SYNE1: variants seen among roughly 807,000 people sequenced by gnomAD.
SYNE1 encodes spectrin repeat containing nuclear envelope protein 1, also known as nesprin-1.
A neutral mutation model predicts 1,111.0 loss-of-function variants in SYNE1; 616 were observed. The observed-to-expected ratio is 0.55, with a 90% confidence interval of 0.52 to 0.59. SYNE1 has a LOEUF of 0.59. Among genes scored for constraint, SYNE1 ranks in the 20% least tolerant of loss-of-function variants. The pLI is 0.00. For missense variants in SYNE1, 10,006 were observed against 10,417.0 expected (o/e 0.96, Z 1.72); for synonymous variants, 3,855 against 3,825.8 (o/e 1.01, Z -0.28).
intron 3 of SYNE1, among the ~76,000 whole-genome samples, chr6:152,567,716 CA>C (rs1260858752): frequency 6.6e-6 from 1 of 152,040 alleles, no homozygotes; most frequent in African/African-American, 2.4e-5. Flanking sequence ...TCTTTATTGT[CA>C]AAAAATAGCT....
intron 121 of SYNE1, among the ~76,000 whole-genome samples, 180 bp downstream of exon 121, chr6:152,218,077 C>T (rs982545330): frequency 6.6e-6 from 1 of 151,784 alleles, no homozygotes; most frequent in Non-Finnish European, 1.5e-5. Context: ...CCCCTATAAT[C>T]CTAGCTACTC....
At chr6:152,233,694 A>C (rs1477942804) in intron 112 of SYNE1, 87 bp downstream of exon 112, 1 of 1,518,308 alleles carries the variant, frequency 6.6e-7, no homozygotes, top group African/African-American at 1.4e-5. Context: ...AGCTGATATA[A>C]ATTTGTGAGC....
intron 126 of SYNE1, among the ~76,000 whole-genome samples, chr6:152,203,872 T>A (rs1486175050): frequency 6.6e-6 from 1 of 152,130 alleles, no homozygotes; most frequent in Non-Finnish European, 1.5e-5. Flanking sequence ...AAATTGTCTA[T>A]CAGGGACAGA....
intron 3 of SYNE1, among the ~76,000 whole-genome samples, chr6:152,611,020 G>T (rs955891295): frequency 2.0e-5 from 3 of 152,042 alleles, no homozygotes; most frequent in African/African-American, 4.8e-5. Flanking sequence ...AGAAACAATC[G>T]CTACCAGCCA....
intron 91 of SYNE1, among the ~76,000 whole-genome samples, chr6:152,307,147 A>G (rs1219146221): frequency 6.6e-6 from 1 of 152,208 alleles, no homozygotes; most frequent in Non-Finnish European, 1.5e-5. Flanking sequence ...AAAAATCTAC[A>G]TAACACTTTC....
chr6:152,426,747 A>T (rs2098363884), intron 38 of SYNE1, among the ~76,000 whole-genome samples: 1 of 152,206 alleles, frequency 6.6e-6, no homozygotes, highest in Non-Finnish European at 1.5e-5. Flanking sequence ...CTGAGAAGGG[A>T]CTTTGTGGAA....
rs144643941 is a variant in SYNE1, at chr6:152,376,831, T to C, written c.9091A>G (p.Arg3031Gly). The change falls in exon 57 of 146, where the codon AGA becomes GGA. Residue 3031 changes from arginine to glycine, a missense_variant. By Grantham distance (125) the Arg-to-Gly change is moderately radical (BLOSUM62 -2). Around this residue, in one of 7 missense-constraint regions of SYNE1, gnomAD observed 4,955 missense variants for 5,017.2 expected, o/e 0.99. Coordinates refer to ENST00000367255, the MANE Select transcript of SYNE1 (RefSeq NM_182961.4). ...TTTCCACTGTAGGTACTCAGGTCTC[T>C]GGAAAATCGACAAAGTTCATTCAGC... ...SQLNELCRFS[R>G]DLSTYSGKVS... is the part of the protein sequence containing the mutation. 93 of 1,614,146 alleles carry C rather than the reference T, an allele frequency of 5.8e-5. No homozygotes were observed. In the African/African-American group the frequency reaches 1.1e-3, roughly 18 times the overall value.
chr6:152,353,841 T>A lies in SYNE1; in HGVS notation c.10927-97A>T, dbSNP rs2096785536. 4 of 1,468,590 alleles carry A rather than the reference T, an allele frequency of 2.7e-6. No individual in the cohort carries two copies. The East Asian group carries it at 9.1e-5, about 33-fold the overall frequency. 91.0% of individuals were successfully genotyped at this position (1,468,590 alleles called of 1,614,324 possible). ...ATAGGAAATGGTTTCAGTGTAGGTT[T>A]AGAAGATGTTTATTTTGAGATTTAA... is the stretch of plus-strand genomic sequence containing the variant. On this transcript the variant is annotated intron_variant, in intron 67 of 145. Transcript: ENST00000367255.
At chr6:152,313,020 A>G (rs542409576) in intron 87 of SYNE1, among the ~76,000 whole-genome samples, 6 of 152,328 alleles carry the variant, frequency 3.9e-5, no homozygotes, top group Non-Finnish European at 7.4e-5. Flanking sequence ...GGGTGTCCCC[A>G]AAAGCAGGAA....
chr6:152,371,988 A>G (rs1232451140), intron 59 of SYNE1, among the ~76,000 whole-genome samples: 1 of 151,776 alleles, frequency 6.6e-6, no homozygotes, highest in Non-Finnish European at 1.5e-5. Context: ...GAAGGGAAAA[A>G]GGAAAGGAAA....
intron 3 of SYNE1, among the ~76,000 whole-genome samples, chr6:152,565,219 T>C (rs2099408856): frequency 6.6e-6 from 1 of 152,212 alleles, no homozygotes. Flanking sequence ...AGAGGGCCTC[T>C]TGTGGAATTT....
At chr6:152,133,692 C>T (rs188542538) in intron 142 of SYNE1, 5 of 600,206 alleles carry the variant, frequency 8.3e-6, no homozygotes, top group African/African-American at 1.9e-5. Flanking sequence ...GACCCCTGAC[C>T]GTCTCTGATC....
chr6:152,298,293 C>T (rs180686981), intron 93 of SYNE1, among the ~76,000 whole-genome samples: 3 of 152,294 alleles, frequency 2.0e-5, no homozygotes, highest in African/African-American at 7.2e-5. Flanking sequence ...AACTTGAAGG[C>T]CAATGATTTT....
At position 152,508,852 on chromosome 6, in the gene SYNE1, C is replaced by G. The variant is rs1287505312; in HGVS notation, c.581+1341G>C. On this transcript the variant is annotated intron_variant, in intron 8 of 145. Transcript: ENST00000367255. Reference sequence around the variant, plus strand: ...TGAAAACATAGCCCAAATTAGAAAACCAGCAACACACTTTAAAAGTTAAAC... The same window carrying G: ...TGAAAACATAGCCCAAATTAGAAAAGCAGCAACACACTTTAAAAGTTAAAC... Among the ~76,000 whole-genome samples the G allele has an allele frequency of 2.6e-5, 4 of 152,266 alleles. No homozygotes were observed. The East Asian group carries it at 7.7e-4, about 29-fold the overall frequency.
intron 2 of SYNE1, among the ~76,000 whole-genome samples, chr6:152,631,043 A>G (rs9383634): frequency 0.35 from 53,221 of 152,116 alleles, 10,740 homozygotes; most frequent in East Asian, 0.63. Context: ...TGACACAGAG[A>G]CTATTTTTGA....
chr6:152,368,908 C>A, intron 61 of SYNE1, 64 bp downstream of exon 61: 26 of 1,609,748 alleles, frequency 1.6e-5, no homozygotes, highest in Non-Finnish European at 2.0e-5. Flanking sequence ...CCTGCAGAAC[C>A]TGCTGCAACT....
chr6:152,255,142 C>A, intron 103 of SYNE1, 53 bp from the exon 104 acceptor site: 1 of 1,423,686 alleles, frequency 7.0e-7, no homozygotes, highest in Middle Eastern at 1.8e-4. Flanking sequence ...AATTGATATG[C>A]AAATCATGTT....
At chr6:152,608,953 A>AT (rs57993152) in intron 3 of SYNE1, among the ~76,000 whole-genome samples, 110,212 of 151,846 alleles carry the variant, frequency 0.73, 40,186 homozygotes, top group East Asian at 0.8. Flanking sequence ...AAATAAAAAA[A>AT]AATCAGAGTT....
At chr6:152,567,940 A>G (rs1385187704) in intron 3 of SYNE1, among the ~76,000 whole-genome samples, 1 of 152,200 alleles carries the variant, frequency 6.6e-6, no homozygotes, top group Non-Finnish European at 1.5e-5. Context: ...CCAGAAAGAG[A>G]CTTGTGTCTA....
Sources: allele counts gnomAD v4.1 joint callset (sites outside exome capture counted in the v4.1 genomes callset), GRCh38; gene constraint gnomAD v4.1.1; regional missense constraint gnomAD v4.1.1; transcripts MANE v1.5; gene names NCBI Gene and HGNC (gene_info 2026-07-23, HGNC 2026-07-21).